Variants in ATP9A observed in about 807,000 individuals in gnomAD.
ATP9A encodes ATPase phospholipid transporting 9A.
In ATP9A, 52 loss-of-function variants were observed where a neutral mutation model predicts 144.1. The observed-to-expected ratio is 0.36, with a 90% CI of 0.29 to 0.45. ATP9A has a LOEUF of 0.45. Among genes scored for constraint, ATP9A ranks in the 20% least tolerant of loss-of-function variants. The pLI, the probability that ATP9A is intolerant of heterozygous loss-of-function variation, is 1.00. For synonymous variants in ATP9A, 582 were observed against 557.4 expected, an observed-to-expected ratio of 1.04 and a Z score of -0.62; for missense variants, 947 against 1,392.7, an observed-to-expected ratio of 0.68 and a Z score of 5.09.
At chr20:51,767,140 C>T (rs6096573) in intron 1 of ATP9A, among the ~76,000 whole-genome samples, 80,714 of 150,278 alleles carry the variant, frequency 0.54, 23,037 homozygotes, top group African/African-American at 0.74. Flanking sequence ...CTCCACCCGC[C>T]GCGTCTCCTG....
chr20:51,730,864 CTG>C (rs1272151703), intron 1 of ATP9A, among the ~76,000 whole-genome samples: 2 of 152,264 alleles, frequency 1.3e-5, no homozygotes, highest in Non-Finnish European at 2.9e-5. Context: ...TGGCAAAAGA[CTG>C]TGTTCCAAAA....
chr20:51,763,581 G>A (rs112406370), intron 1 of ATP9A, among the ~76,000 whole-genome samples: 16 of 152,066 alleles, frequency 1.1e-4, no homozygotes, highest in Non-Finnish European at 1.9e-4. Context: ...CCAAAGTGCT[G>A]GGATTACAGG....
rs746061828 is a variant in ATP9A, at chr20:51,671,188, G to T, written c.1107C>A (p.Pro369=). The change falls in exon 12 of 28, where the codon CCC becomes CCA. Residue 369 remains proline, a synonymous_variant. Coordinates refer to ENST00000338821, the MANE Select transcript of ATP9A (RefSeq NM_006045.3). The part of the protein sequence containing the change: ...SWVIRRDSKI[P]GTVVRSSTIP... ...TCGTGCTGGAGCGAACCACGGTCCC[G>T]GGGATTTTCGAGTCCCTTCGAATCA... The T allele has an allele frequency of 1.9e-6, 3 of 1,614,054 alleles. No homozygotes were observed. The highest frequency in any genetic ancestry group is 3.3e-4 in the Middle Eastern group (2 of 6,062).
intron 1 of ATP9A, among the ~76,000 whole-genome samples, chr20:51,751,461 T>G (rs547583977): frequency 6.6e-6 from 1 of 151,910 alleles, no homozygotes; most frequent in Non-Finnish European, 1.5e-5. Context: ...GGAGTCTCCC[T>G]ATGTTGCCCA....
chr20:51,648,274 C>T (rs2077350091), intron 14 of ATP9A, among the ~76,000 whole-genome samples: 1 of 152,192 alleles, frequency 6.6e-6, no homozygotes, highest in Non-Finnish European at 1.5e-5. Flanking sequence ...CGCGAGATTG[C>T]CTGCCCTCCC....
chr20:51,647,191 GATAAAA>G (rs1359786876), intron 14 of ATP9A, among the ~76,000 whole-genome samples: 1 of 152,058 alleles, frequency 6.6e-6, no homozygotes, highest in Non-Finnish European at 1.5e-5. Flanking sequence ...TCACTTGACT[GATAAAA>G]ATAAATACTT....
At chr20:51,652,247 T>G (rs1245790921) in intron 14 of ATP9A, among the ~76,000 whole-genome samples, 1 of 152,192 alleles carries the variant, frequency 6.6e-6, no homozygotes, top group Non-Finnish European at 1.5e-5. Flanking sequence ...TACTGTACGG[T>G]GGCAGGGAGG....
At chr20:51,668,668 A>G (rs2077443884) in intron 13 of ATP9A, among the ~76,000 whole-genome samples, 1 of 152,162 alleles carries the variant, frequency 6.6e-6, no homozygotes, top group Admixed American at 6.5e-5. Context: ...ATAGTGCTAA[A>G]GTACATCTTT....
At chr20:51,638,069 TTTTATATATATATATATATATATATA>T (rs201018530) in intron 15 of ATP9A, among the ~76,000 whole-genome samples, 21,405 of 73,120 alleles carry the variant, frequency 0.29, 3,057 homozygotes, top group South Asian at 0.44. Flanking sequence ...CATTTCATCA[TTTTATATATATATATATATATATATA>T]TATATATATA....
intron 4 of ATP9A, 130 bp downstream of exon 4, chr20:51,712,836 A>G (rs1256127493): frequency 3.8e-6 from 3 of 782,754 alleles, no homozygotes; most frequent in Non-Finnish European, 6.4e-6. Flanking sequence ...CTGGTGCTGG[A>G]GTAACCAAGC....
At chr20:51,680,675 A>G (rs1269346653) in intron 9 of ATP9A, among the ~76,000 whole-genome samples, 1 of 152,158 alleles carries the variant, frequency 6.6e-6, no homozygotes, top group Non-Finnish European at 1.5e-5. Context: ...GGCAAGAGTT[A>G]CAGCCTATAG....
chr20:51,606,361 T>A (rs937600141), intron 26 of ATP9A, among the ~76,000 whole-genome samples: 2 of 152,170 alleles, frequency 1.3e-5, no homozygotes, highest in African/African-American at 2.4e-5. Context: ...CACATGTATA[T>A]TATATGTACT....
chr20:51,647,545 C>A (rs935812120), intron 14 of ATP9A, among the ~76,000 whole-genome samples: 3 of 151,364 alleles, frequency 2.0e-5, no homozygotes, highest in Admixed American at 6.6e-5. Flanking sequence ...AGCAAGACTT[C>A]ATCTCAAAAC....
chr20:51,697,284 AG>A (rs1394666889), intron 5 of ATP9A, 139 bp downstream of exon 5: 32 of 678,874 alleles, frequency 4.7e-5, no homozygotes, highest in Non-Finnish European at 6.9e-5. Context: ...TCTGTCTCAC[AG>A]GAAAGAGATT....
At chr20:51,694,310 CT>C (rs1157179384) in intron 6 of ATP9A, among the ~76,000 whole-genome samples, 5 of 152,184 alleles carry the variant, frequency 3.3e-5, no homozygotes, top group Admixed American at 2.6e-4. Context: ...GCCACTCCCT[CT>C]GAGTGGGATC....
chr20:51,663,842 GTTTTCTGTGGA>G (rs1469415045), intron 13 of ATP9A, among the ~76,000 whole-genome samples: 2 of 151,258 alleles, frequency 1.3e-5, no homozygotes, highest in Non-Finnish European at 2.9e-5. Context: ...CTTTGTATCT[GTTTTCTGTGGA>G]TGCAGAAAGT....
At chr20:51,626,797 C>G (rs1027984325) in intron 17 of ATP9A, among the ~76,000 whole-genome samples, 1 of 152,076 alleles carries the variant, frequency 6.6e-6, no homozygotes, top group African/African-American at 2.4e-5. Context: ...TGGCTCACAC[C>G]TGTAATCCCT....
At chr20:51,723,563 CTTTT>C (rs753282602) in intron 3 of ATP9A, among the ~76,000 whole-genome samples, 52,613 of 133,564 alleles carry the variant, frequency 0.39, 9,563 homozygotes, top group Admixed American at 0.41. Context: ...ACAGCAAATT[CTTTT>C]TTTTTTTTTT....
At chr20:51,640,112 C>T (rs751032033) in intron 14 of ATP9A, among the ~76,000 whole-genome samples, 4 of 151,644 alleles carry the variant, frequency 2.6e-5, no homozygotes, top group Non-Finnish European at 5.9e-5. Flanking sequence ...ACCCCCACTC[C>T]GAAAAAAGGA....
Sources: gnomAD v4.1 joint callset for allele counts (sites outside exome capture counted in the v4.1 genomes callset) on GRCh38, gnomAD v4.1.1 for gene constraint, MANE v1.5 for transcripts, NCBI Gene and HGNC (gene_info 2026-07-23, HGNC 2026-07-21) for gene names.